DDX31: variants seen among roughly 807,000 people sequenced by gnomAD.
The protein encoded by DDX31 is ATP-dependent DNA helicase DDX31.
Under a neutral mutation model 91.3 loss-of-function variants are expected in DDX31, and 70 were observed. The observed-to-expected ratio is 0.77, with a 90% CI of 0.63 to 0.94. The LOEUF (loss-of-function observed/expected upper bound fraction) is 0.94. Ranked by LOEUF, DDX31 falls within the 40% of genes least tolerant of loss-of-function variation. The probability of loss-of-function intolerance (pLI) is 0.00; values close to 1 mark genes in which losing one functional copy is unlikely to be tolerated. For missense variants in DDX31, 902 were observed against 925.0 expected, an observed-to-expected ratio of 0.98 and a Z score of 0.32; for synonymous variants, 362 against 350.6, an observed-to-expected ratio of 1.03 and a Z score of -0.36.
chr9:132,646,097 A>C (rs775327934), intron 12 of DDX31, 26 bp from the exon 13 acceptor site: 3 of 1,602,664 alleles, frequency 1.9e-6, no homozygotes, highest in East Asian at 2.2e-5. Context: ...GGGAGGAAAA[A>C]CCGACATATT....
intron 5 of DDX31, 38 bp from the exon 6 acceptor site, chr9:132,658,773 C>A: frequency 6.3e-7 from 1 of 1,587,072 alleles, no homozygotes; most frequent in South Asian, 1.1e-5. Context: ...AAATCACACA[C>A]CCTACAGATG....
chr9:132,604,038 C>T (rs1366876285), intron 19 of DDX31, among the ~76,000 whole-genome samples: 1 of 152,080 alleles, frequency 6.6e-6, no homozygotes, highest in Non-Finnish European at 1.5e-5. Context: ...AACCAGAGCC[C>T]GAAAAGCAAG....
rs532378008 is a variant in DDX31, at chr9:132,615,032, CAG to C, written c.1826-2779_1826-2778del. Among the ~76,000 whole-genome samples, 903 of 152,208 alleles carry C rather than the reference CAG, an allele frequency of 5.9e-3. 7 individuals are homozygous for C. Among genetic ancestry groups the C allele is most frequent in the Middle Eastern group, 0.024 (7 of 294 alleles). ...CAGCGTCGAGAATGTGCAGAAGGAA[CAG>C]GGGCTGTGGGACCCACACAAGCGGA... On this transcript the variant is annotated intron_variant, in intron 18 of 19. Transcript: ENST00000372159.
In DDX31 at chr9:132,631,336, A is replaced by G. The variant is rs1477697577; in HGVS notation, c.1491+705T>C. 2.0e-5 allele frequency among the ~76,000 whole-genome samples: 3 copies of G among 152,172 alleles called. No homozygotes were observed. In the East Asian group the frequency reaches 5.8e-4, roughly 29 times the overall value. On this transcript the variant is annotated intron_variant, in intron 15 of 19. Coordinates refer to ENST00000372159, the MANE Select transcript of DDX31 (RefSeq NM_022779.9). ...CATACATTAAAATTGTCATTGCCTT[A>G]TCTTCAGTTCACTCTGTGGCCAGCA...
intron 14 of DDX31, among the ~76,000 whole-genome samples, chr9:132,635,469 T>C (rs1263973475): frequency 6.8e-6 from 1 of 146,328 alleles, no homozygotes; most frequent in Non-Finnish European, 1.5e-5. Flanking sequence ...TTTTTTTTTT[T>C]TTTTTTTTGA....
intron 4 of DDX31, among the ~76,000 whole-genome samples, chr9:132,660,520 C>T (rs1490965383): frequency 6.6e-6 from 1 of 152,088 alleles, no homozygotes; most frequent in Non-Finnish European, 1.5e-5. Flanking sequence ...AGCAGCTGTC[C>T]ATTCTCCAGG....
chr9:132,620,481 A>G (rs1463772480), intron 17 of DDX31, among the ~76,000 whole-genome samples: 2 of 147,368 alleles, frequency 1.4e-5, no homozygotes, highest in Non-Finnish European at 3.0e-5. Context: ...ATACGTAGGG[A>G]AAAAAAAAAC....
In DDX31 at chr9:132,632,030, T is replaced by TA; in HGVS notation, c.1491+10dup. On this transcript the variant is annotated intron_variant, in intron 15 of 19. Transcript: ENST00000372159. Reference sequence around the variant, plus strand: ...TGCCTAAAGCTTACACCTTAACAACTAAAAAATTACCTGAACAATCCACGT... The same window carrying TA: ...TGCCTAAAGCTTACACCTTAACAACTAAAAAAATTACCTGAACAATCCACGT... The TA allele has an allele frequency of 4.3e-6, 7 of 1,612,148 alleles. No homozygotes were observed. The highest frequency in any genetic ancestry group is 5.1e-6 in the Non-Finnish European group (6 of 1,178,930).
At position 132,651,576 on chromosome 9, in the gene DDX31, G is replaced by C. The variant is rs1440302023; in HGVS notation, c.634-460C>G. On this transcript the variant is annotated intron_variant, in intron 7 of 19. Coordinates refer to ENST00000372159, the MANE Select transcript of DDX31 (RefSeq NM_022779.9). ...GGAGCGATGACTGTATTCTACAACTGTGCCAGGATATCTGAAGCCTGGGAG... is the reference window on the plus strand; with the variant it reads ...GGAGCGATGACTGTATTCTACAACTCTGCCAGGATATCTGAAGCCTGGGAG... Among the ~76,000 whole-genome samples the C allele has an allele frequency of 2.6e-5, 4 of 152,192 alleles. 1 individual carries two copies. In the East Asian group the frequency reaches 7.7e-4, roughly 29 times the overall value.
chr9:132,594,851 A>C lies in DDX31; in HGVS notation c.*15T>G. 1 of 1,608,990 alleles carries C rather than the reference A, an allele frequency of 6.2e-7. No homozygotes were observed. The highest frequency in any genetic ancestry group is 8.5e-7 in the Non-Finnish European group (1 of 1,176,880). Reference sequence around the variant, plus strand: ...CCCGGGGCTTCCAGGTTCCACTCGAAGACCCAGAGAGATTTTAAACTTTCT... The same window carrying C: ...CCCGGGGCTTCCAGGTTCCACTCGACGACCCAGAGAGATTTTAAACTTTCT... On this transcript the variant is annotated 3_prime_UTR_variant, in exon 20 of 20. Transcript: ENST00000372159.
chr9:132,600,169 CTT>C (rs2119193601), intron 19 of DDX31, among the ~76,000 whole-genome samples: 1 of 152,354 alleles, frequency 6.6e-6, no homozygotes, highest in East Asian at 1.9e-4. Context: ...GCTACCCTAC[CTT>C]TTATGGTCAG....
chr9:132,625,794 A>T, intron 16 of DDX31, 49 bp from the exon 17 acceptor site: 1 of 1,464,778 alleles, frequency 6.8e-7, no homozygotes, highest in Non-Finnish European at 9.5e-7. Flanking sequence ...TTTCAAAAAC[A>T]CCCAAGACCT....
intron 19 of DDX31, among the ~76,000 whole-genome samples, chr9:132,600,255 C>T (rs891807858): frequency 1.3e-5 from 2 of 152,220 alleles, no homozygotes; most frequent in Admixed American, 6.5e-5. Flanking sequence ...GCTGGCAGAC[C>T]AGCTGTTTTA....
At chr9:132,624,661 A>G (rs1016814162) in intron 17 of DDX31, among the ~76,000 whole-genome samples, 2 of 152,114 alleles carry the variant, frequency 1.3e-5, no homozygotes, top group South Asian at 2.1e-4. Context: ...GCCATCACCA[A>G]CTTCTCGGAT....
chr9:132,638,371 T>G (rs879268796), intron 14 of DDX31: 1 of 1,614,188 alleles, frequency 6.2e-7, no homozygotes. Context: ...TCACTGTAAG[T>G]AGGAGGAAAT....
intron 19 of DDX31, among the ~76,000 whole-genome samples, chr9:132,598,462 T>C (rs900343902): frequency 1.3e-5 from 2 of 152,286 alleles, no homozygotes; most frequent in African/African-American, 4.8e-5. Flanking sequence ...GGAACTCCCT[T>C]GTAGTGAAGG....
At chr9:132,647,924 A>G (rs911978915) in intron 11 of DDX31, among the ~76,000 whole-genome samples, 1 of 152,158 alleles carries the variant, frequency 6.6e-6, no homozygotes, top group African/African-American at 2.4e-5. Context: ...CACCAAGCCA[A>G]TAGCAGCCAG....
intron 18 of DDX31, among the ~76,000 whole-genome samples, chr9:132,613,561 G>C (rs1831467449): frequency 6.6e-6 from 1 of 152,172 alleles, no homozygotes; most frequent in Non-Finnish European, 1.5e-5. Flanking sequence ...GGATGTGGTG[G>C]CAGGTGCCTG....
At chr9:132,638,162 G>T in intron 14 of DDX31, 1 of 1,388,926 alleles carries the variant, frequency 7.2e-7, no homozygotes. Flanking sequence ...TTTCCTTTCT[G>T]GGAAAAAGGT....
Sources: allele counts gnomAD v4.1 joint callset (sites outside exome capture counted in the v4.1 genomes callset), GRCh38; gene constraint gnomAD v4.1.1; transcripts MANE v1.5; gene names NCBI Gene and HGNC (gene_info 2026-07-23, HGNC 2026-07-21).